The following ETV6 variants were observed in gnomAD, a reference collection of about 807,000 sequenced individuals.
The protein encoded by ETV6 is transcription factor ETV6.
ETV6 carries 16 observed loss-of-function variants against 51.1 expected under a neutral mutation model. That is an observed-to-expected ratio of 0.31 (90% confidence interval 0.21 to 0.48). The LOEUF (loss-of-function observed/expected upper bound fraction) is 0.48. Among genes scored for constraint, ETV6 ranks in the 20% least tolerant of loss-of-function variants. ETV6 has a pLI of 0.99. For synonymous variants in ETV6, 240 were observed against 224.1 expected (o/e 1.07, Z -0.64); for missense variants, 458 against 594.8 (o/e 0.77, Z 2.39).
At chr12:11,730,025 T>C (rs1261706898) in intron 1 of ETV6, among the ~76,000 whole-genome samples, 1 of 152,172 alleles carries the variant, frequency 6.6e-6, no homozygotes, top group African/African-American at 2.4e-5. Context: ...GGGGGATTTT[T>C]CTGTGCAAGC....
chr12:11,766,884 G>A (rs537087654), intron 2 of ETV6, among the ~76,000 whole-genome samples: 1 of 152,278 alleles, frequency 6.6e-6, no homozygotes, highest in African/African-American at 2.4e-5. Context: ...TCTTTGCTTT[G>A]TTGAAGGAAA....
rs138596840 is a variant in ETV6 at position 11,823,076 on chromosome 12, C to T, written c.164-16064C>T. 4.8e-3 allele frequency among the ~76,000 whole-genome samples: 734 copies of T among 152,232 alleles called. 6 individuals carry two copies. The highest frequency in any genetic ancestry group is 0.017 in the African/African-American group (688 of 41,536). ...AGGAGGCTGCCACAAGCAGGAAAAGCGAAGTTAGAGCTGACAGCAAGACCA... is the reference window on the plus strand; with the variant it reads ...AGGAGGCTGCCACAAGCAGGAAAAGTGAAGTTAGAGCTGACAGCAAGACCA... On this transcript the variant is annotated intron_variant, in intron 2 of 7. Coordinates refer to ENST00000396373, the MANE Select transcript of ETV6 (RefSeq NM_001987.5).
chr12:11,777,336 A>G (rs1291439311), intron 2 of ETV6, among the ~76,000 whole-genome samples: 1 of 152,046 alleles, frequency 6.6e-6, no homozygotes, highest in Non-Finnish European at 1.5e-5. Context: ...AGTCATCTCA[A>G]TTGTTTTTAA....
At chr12:11,868,958 C>T (rs1039781776) in intron 4 of ETV6, among the ~76,000 whole-genome samples, 1 of 152,106 alleles carries the variant, frequency 6.6e-6, no homozygotes, top group Non-Finnish European at 1.5e-5. Flanking sequence ...ACCTTAAGGC[C>T]AGGCGCGGTG....
chr12:11,812,273 G>C (rs2136421345), intron 2 of ETV6, among the ~76,000 whole-genome samples: 1 of 152,232 alleles, frequency 6.6e-6, no homozygotes, highest in Admixed American at 6.5e-5. Flanking sequence ...TCAGTCCTGA[G>C]GCCCCTTCCG....
intron 2 of ETV6, among the ~76,000 whole-genome samples, chr12:11,797,372 G>C (rs1384803924): frequency 3.3e-5 from 5 of 152,204 alleles, no homozygotes; most frequent in Non-Finnish European, 5.9e-5. Context: ...CCAGTCGTTG[G>C]TGAATGTGGT....
chr12:11,835,624 C>T (rs951643128), intron 2 of ETV6, among the ~76,000 whole-genome samples: 2 of 152,208 alleles, frequency 1.3e-5, no homozygotes, highest in Non-Finnish European at 2.9e-5. Flanking sequence ...CACCTCCCTC[C>T]TCTTCCCATT....
intron 3 of ETV6, among the ~76,000 whole-genome samples, chr12:11,851,488 G>A (rs1946553882): frequency 6.6e-6 from 1 of 152,166 alleles, no homozygotes; most frequent in Non-Finnish European, 1.5e-5. Flanking sequence ...CGCCTCATCA[G>A]AGACATCACC....
chr12:11,724,656 G>C (rs1315366293), intron 1 of ETV6, among the ~76,000 whole-genome samples: 1 of 152,198 alleles, frequency 6.6e-6, no homozygotes, highest in African/African-American at 2.4e-5. Context: ...AGAATAAAGA[G>C]TTGAGGGGAG....
At chr12:11,664,394 A>G (rs1265140783) in intron 1 of ETV6, among the ~76,000 whole-genome samples, 1 of 152,084 alleles carries the variant, frequency 6.6e-6, no homozygotes, top group Non-Finnish European at 1.5e-5. Flanking sequence ...TGGGATTAGT[A>G]TGAGAGGAGA....
At chr12:11,726,273 C>T (rs897785875) in intron 1 of ETV6, among the ~76,000 whole-genome samples, 36 of 152,242 alleles carry the variant, frequency 2.4e-4, no homozygotes, top group South Asian at 2.1e-4. Flanking sequence ...AGAGGGGAGA[C>T]CAGCTGTGTT....
chr12:11,841,592 T>C (rs1169076833), intron 3 of ETV6, among the ~76,000 whole-genome samples: 1 of 152,108 alleles, frequency 6.6e-6, no homozygotes, highest in African/African-American at 2.4e-5. Flanking sequence ...AGTTAGGAGG[T>C]GGCAATAGAA....
At chr12:11,787,213 C>T (rs1945500393) in intron 2 of ETV6, among the ~76,000 whole-genome samples, 1 of 152,182 alleles carries the variant, frequency 6.6e-6, no homozygotes, top group South Asian at 2.1e-4. Context: ...CTAGTAACTG[C>T]TCTTGAGTAA....
At chr12:11,650,496 C>CAAA (rs1252618617) in intron 1 of ETV6, among the ~76,000 whole-genome samples, 1 of 111,454 alleles carries the variant, frequency 9.0e-6, no homozygotes, top group Admixed American at 1.0e-4. Flanking sequence ...AAAAAAAAAA[C>CAAA]AAAAAACAAA....
At chr12:11,792,307 T>C (rs946586170) in intron 2 of ETV6, among the ~76,000 whole-genome samples, 1 of 152,166 alleles carries the variant, frequency 6.6e-6, no homozygotes, top group African/African-American at 2.4e-5. Context: ...GTGACAGACA[T>C]TGAAGTGTTG....
intron 1 of ETV6, among the ~76,000 whole-genome samples, chr12:11,721,732 A>T (rs1422661066): frequency 6.6e-6 from 1 of 152,272 alleles, no homozygotes; most frequent in Non-Finnish European, 1.5e-5. Context: ...AAATTGTTCT[A>T]GAATTAAGCA....
intron 2 of ETV6, among the ~76,000 whole-genome samples, chr12:11,757,068 G>T (rs1945017951): frequency 6.6e-6 from 1 of 152,132 alleles, no homozygotes; most frequent in African/African-American, 2.4e-5. Flanking sequence ...TAGGGTTAGG[G>T]TTTATGATGT....
intron 1 of ETV6, among the ~76,000 whole-genome samples, chr12:11,714,032 C>G (rs1462980261): frequency 6.6e-6 from 1 of 152,124 alleles, no homozygotes; most frequent in African/African-American, 2.4e-5. Flanking sequence ...TTGGCAGGAC[C>G]CACAGATGAT....
intron 3 of ETV6, among the ~76,000 whole-genome samples, chr12:11,850,460 A>G (rs186322851): frequency 1.3e-3 from 98 of 75,642 alleles, no homozygotes; most frequent in African/African-American, 4.6e-3. Context: ...ATATTCCTCT[A>G]TTCTCCATGT....
Sources: allele counts gnomAD v4.1 joint callset (sites outside exome capture counted in the v4.1 genomes callset), GRCh38; gene constraint gnomAD v4.1.1; transcripts MANE v1.5; gene names NCBI Gene and HGNC (gene_info 2026-07-23, HGNC 2026-07-21).